Variants in ZEB2 observed in about 807,000 individuals in gnomAD.
The protein encoded by ZEB2 is zinc finger E-box-binding homeobox 2.
Under a neutral mutation model 99.9 loss-of-function variants are expected in ZEB2, and 6 were observed. The ratio of observed to expected loss-of-function variants is 0.06; its 90% CI spans 0.03 to 0.12. The LOEUF (loss-of-function observed/expected upper bound fraction) is 0.12, where lower values mean the gene tolerates loss of function less well. Ranked by LOEUF, ZEB2 falls within the 10% of genes least tolerant of loss-of-function variation. The pLI is 1.00. For missense variants in ZEB2, 969 were observed against 1,502.8 expected (o/e 0.64, Z 5.87); for synonymous variants, 517 against 542.5 (o/e 0.95, Z 0.65).
In ZEB2 at chr2:144,400,290, T is replaced by C. The variant is rs890045856; in HGVS notation, c.917-20A>G. 1 of 1,602,202 alleles carries C rather than the reference T, an allele frequency of 6.2e-7. No individual in the cohort carries two copies. The highest frequency in any genetic ancestry group is 1.3e-5 in the African/African-American group (1 of 74,908). On this transcript the variant is annotated intron_variant, in intron 7 of 9. Coordinates refer to ENST00000627532, the MANE Select transcript of ZEB2 (RefSeq NM_014795.4). The stretch of plus-strand genomic sequence containing the variant: ...TTTCACCTAAAATGATAATTAAAAT[T>C]ACCGTTACATTTCCTTGATTAGATA...
In ZEB2 at chr2:144,490,026, T is replaced by C. The variant is rs532542860; in HGVS notation, c.73+27252A>G. On this transcript the variant is annotated intron_variant, in intron 2 of 9. Transcript: ENST00000627532. ...TTTCTGGTATTCATTCTGACTCTCT[T>C]TATTATTTGGGGGAATTACTAAAAT... Among the ~76,000 whole-genome samples, 11 of 152,296 alleles carry C rather than the reference T, an allele frequency of 7.2e-5. No homozygotes were observed. In the East Asian group the frequency reaches 1.7e-3, roughly 24 times the overall value.
rs1288735294 is a variant in ZEB2 at position 144,384,719 on chromosome 2, G to A, written c.*4732C>T. On this transcript the variant is annotated 3_prime_UTR_variant, in exon 10 of 10. Coordinates refer to ENST00000627532, the MANE Select transcript of ZEB2 (RefSeq NM_014795.4). ...AATATGTACAATTTCAATTCACAGC[G>A]AAGGTAACAAAGATTTAAACAGCCA... 3.3e-5 allele frequency: 5 copies of A among 151,472 alleles called. No individual in the cohort carries two copies. The highest frequency in any genetic ancestry group is 5.9e-5 in the Non-Finnish European group (4 of 67,898). The allele number at this position is 151,472 out of a possible 1,614,324, so 9.4% of individuals were successfully genotyped here.
At chr2:144,510,687 C>CCT (rs34688250) in intron 2 of ZEB2, among the ~76,000 whole-genome samples, 4,854 of 147,932 alleles carry the variant, frequency 0.033, 263 homozygotes, top group African/African-American at 0.11. Flanking sequence ...CTACCCTGTG[C>CCT]CTCTCTCTCT....
At chr2:144,448,033 T>C (rs887716301) in intron 2 of ZEB2, among the ~76,000 whole-genome samples, 1 of 152,156 alleles carries the variant, frequency 6.6e-6, no homozygotes, top group African/African-American at 2.4e-5. Context: ...GTAAAGCACC[T>C]AGAGACCAGC....
intron 1 of ZEB2, chr2:144,519,258 G>C (rs1311645611): frequency 6.6e-6 from 1 of 151,856 alleles, no homozygotes; most frequent in Non-Finnish European, 1.5e-5. Context: ...CCTCCACTTT[G>C]GTAAACGACT....
intron 2 of ZEB2, among the ~76,000 whole-genome samples, chr2:144,467,570 AG>A (rs1704290327): frequency 6.6e-6 from 1 of 152,140 alleles, no homozygotes; most frequent in Admixed American, 6.6e-5. Flanking sequence ...AATGAATTCC[AG>A]GGAAAGAATC....
At chr2:144,484,653 C>T (rs886082952) in intron 2 of ZEB2, among the ~76,000 whole-genome samples, 3 of 152,030 alleles carry the variant, frequency 2.0e-5, no homozygotes, top group African/African-American at 7.2e-5. Context: ...GGAGCATATG[C>T]CTTTCAATTC....
At chr2:144,467,451 T>C (rs1704288969) in intron 2 of ZEB2, among the ~76,000 whole-genome samples, 1 of 152,134 alleles carries the variant, frequency 6.6e-6, no homozygotes, top group Admixed American at 6.5e-5. Context: ...TAGAGCCTTT[T>C]AAGAATCTGC....
chr2:144,432,027 T>C (rs969434990), intron 2 of ZEB2, among the ~76,000 whole-genome samples: 3 of 152,040 alleles, frequency 2.0e-5, no homozygotes, highest in Non-Finnish European at 4.4e-5. Flanking sequence ...CCCATGCCTT[T>C]TAAGGTCTTT....
intron 2 of ZEB2, among the ~76,000 whole-genome samples, chr2:144,430,241 TA>T (rs944443766): frequency 1.3e-5 from 2 of 152,194 alleles, no homozygotes; most frequent in African/African-American, 2.4e-5. Context: ...AATTTTTTCC[TA>T]AAAATGATGG....
chr2:144,513,446 T>C, intron 2 of ZEB2: 11 of 1,460,994 alleles, frequency 7.5e-6, no homozygotes, highest in Non-Finnish European at 1.0e-5. Flanking sequence ...AAATCAAATT[T>C]AACTTTTCCT....
chr2:144,467,990 G>A (rs1280481222), intron 2 of ZEB2, among the ~76,000 whole-genome samples: 1 of 152,146 alleles, frequency 6.6e-6, no homozygotes, highest in African/African-American at 2.4e-5. Flanking sequence ...GAAGAAACTG[G>A]AGCAGTGAGA....
intron 2 of ZEB2, among the ~76,000 whole-genome samples, chr2:144,435,041 G>A (rs772062164): frequency 4.6e-5 from 7 of 152,152 alleles, no homozygotes; most frequent in Non-Finnish European, 1.0e-4. Flanking sequence ...TGATGTAACT[G>A]GTATAATCAC....
At chr2:144,428,919 T>A (rs1703729211) in intron 3 of ZEB2, 2 of 152,144 alleles carry the variant, frequency 1.3e-5, no homozygotes, top group South Asian at 4.1e-4. Context: ...GAAGGTGACA[T>A]GAGGTCTGAA....
chr2:144,471,532 T>A (rs1385178423), intron 2 of ZEB2, among the ~76,000 whole-genome samples: 1 of 151,996 alleles, frequency 6.6e-6, no homozygotes, highest in Non-Finnish European at 1.5e-5. Context: ...TTCTTTTTTT[T>A]TTTTGGCTTG....
rs1483310539 is a variant in ZEB2 at position 144,399,000 on chromosome 2, G to A, written c.2187C>T (p.Pro729=). The A allele has an allele frequency of 1.2e-6, 2 of 1,614,106 alleles. No homozygotes were observed. Among genetic ancestry groups the A allele is most frequent in the South Asian group, 1.1e-5 (1 of 91,078 alleles). Reference sequence around the variant, plus strand: ...AGTCCATAGGTTTTACAGGAGACCTGGGTAATAAAGAGTCTTTTGTGGGAG... The same window carrying A: ...AGTCCATAGGTTTTACAGGAGACCTAGGTAATAAAGAGTCTTTTGTGGGAG... ...SNPPTKDSLL[P]RSPVKPMDSI... Residue 729 remains proline, a synonymous_variant, in exon 8 of 10, where the codon CCC becomes CCT. Transcript: ENST00000627532.
chr2:144,434,442 G>C (rs967612707), intron 2 of ZEB2, among the ~76,000 whole-genome samples: 3 of 152,148 alleles, frequency 2.0e-5, no homozygotes, highest in East Asian at 3.9e-4. Context: ...AGGTAATACA[G>C]GCACAGTGAG....
intron 2 of ZEB2, among the ~76,000 whole-genome samples, chr2:144,500,598 A>T (rs1212771075): frequency 6.6e-6 from 1 of 152,200 alleles, no homozygotes; most frequent in East Asian, 1.9e-4. Flanking sequence ...CTGTAACTGA[A>T]GTATGTTTTC....
At chr2:144,465,151 G>T (rs577670488) in intron 2 of ZEB2, among the ~76,000 whole-genome samples, 3 of 152,244 alleles carry the variant, frequency 2.0e-5, no homozygotes, top group Admixed American at 6.5e-5. Flanking sequence ...CCCTTTCCTG[G>T]ATTCTAAACT....
Sources: gnomAD v4.1 joint callset for allele counts (sites outside exome capture counted in the v4.1 genomes callset) on GRCh38, gnomAD v4.1.1 for gene constraint, MANE v1.5 for transcripts, NCBI Gene and HGNC (gene_info 2026-07-23, HGNC 2026-07-21) for gene names.